NPFFR2: variants seen among roughly 807,000 people sequenced by gnomAD.
NPFFR2 encodes neuropeptide FF receptor 2.
NPFFR2 carries 15 observed loss-of-function variants against 13.1 expected under a neutral mutation model. That is an observed-to-expected ratio of 1.15 (90% CI 0.77 to 1.76). The LOEUF is 1.76. Among genes scored for constraint, NPFFR2 ranks in the 40% most tolerant of loss-of-function variants. NPFFR2 has a pLI of 0.00. For missense variants in NPFFR2, 572 were observed against 503.5 expected (o/e 1.14, Z -1.30); for synonymous variants, 190 against 175.7 (o/e 1.08, Z -0.65).
chr4:72,129,457 G>T (rs2109835358), intron 2 of NPFFR2, among the ~76,000 whole-genome samples: 1 of 106,834 alleles, frequency 9.4e-6, no homozygotes, highest in East Asian at 2.6e-4. Flanking sequence ...AGACAATTGT[G>T]GGGAGAGGGT....
At chr4:72,127,259 G>A (rs1341174895) in intron 1 of NPFFR2, among the ~76,000 whole-genome samples, 3 of 97,970 alleles carry the variant, frequency 3.1e-5, no homozygotes, top group Non-Finnish European at 5.5e-5. Flanking sequence ...AGCCGAGATC[G>A]CGCCACTGCA....
chr4:72,072,395 G>T (rs910579744), intron 1 of NPFFR2, among the ~76,000 whole-genome samples: 1 of 151,946 alleles, frequency 6.6e-6, no homozygotes, highest in Non-Finnish European at 1.5e-5. Context: ...AAGAAAAAAA[G>T]AGAATTTGGA....
intron 1 of NPFFR2, among the ~76,000 whole-genome samples, chr4:72,126,139 T>TG (rs1471670149): frequency 1.5e-4 from 23 of 152,250 alleles, no homozygotes; most frequent in African/African-American, 5.5e-4. Flanking sequence ...AAGGAGCATA[T>TG]GATATACTTG....
intron 1 of NPFFR2, among the ~76,000 whole-genome samples, chr4:72,113,668 A>T (rs1721629345): frequency 6.6e-6 from 1 of 152,154 alleles, no homozygotes; most frequent in Admixed American, 6.6e-5. Flanking sequence ...ACATGGTTCA[A>T]AAGCTTTACC....
At chr4:72,069,123 A>T in intron 1 of NPFFR2, 1 of 433,934 alleles carries the variant, frequency 2.3e-6, no homozygotes, top group Non-Finnish European at 4.2e-6. Context: ...CATAACAGTA[A>T]TGCTAAGCCT....
At chr4:72,106,299 C>A (rs1275539427) in intron 1 of NPFFR2, among the ~76,000 whole-genome samples, 1 of 151,988 alleles carries the variant, frequency 6.6e-6, no homozygotes, top group Non-Finnish European at 1.5e-5. Flanking sequence ...CGCCAACTGA[C>A]ACTCCTAGAG....
chr4:72,108,595 CTAAAA>C (rs1180879802), intron 1 of NPFFR2, among the ~76,000 whole-genome samples: 2 of 151,996 alleles, frequency 1.3e-5, no homozygotes, highest in Non-Finnish European at 1.5e-5. Flanking sequence ...AGGAAATAGA[CTAAAA>C]TATTATATAT....
chr4:72,115,120 C>T (rs773663216), intron 1 of NPFFR2, among the ~76,000 whole-genome samples: 8 of 152,084 alleles, frequency 5.3e-5, no homozygotes, highest in Non-Finnish European at 1.0e-4. Context: ...TTTGTCTGTT[C>T]ATGGCCAATA....
intron 2 of NPFFR2, among the ~76,000 whole-genome samples, chr4:72,131,868 A>G (rs529528545): frequency 4.1e-4 from 63 of 152,248 alleles, no homozygotes; most frequent in African/African-American, 1.5e-3. Context: ...ATGTGTGAAC[A>G]TATTTACTAA....
intron 1 of NPFFR2, among the ~76,000 whole-genome samples, chr4:72,043,299 A>G (rs2109757439): frequency 6.6e-6 from 1 of 152,252 alleles, no homozygotes; most frequent in South Asian, 2.1e-4. Context: ...GCAGAAGGGA[A>G]ATGTGGGGTT....
chr4:72,050,664 C>T (rs1719521751), intron 1 of NPFFR2, among the ~76,000 whole-genome samples: 1 of 151,806 alleles, frequency 6.6e-6, no homozygotes, highest in African/African-American at 2.4e-5. Flanking sequence ...GCACAATGTG[C>T]AGGTTAGTTA....
chr4:72,063,355 C>T (rs1291344384), intron 1 of NPFFR2, among the ~76,000 whole-genome samples: 2 of 152,174 alleles, frequency 1.3e-5, no homozygotes, highest in East Asian at 1.9e-4. Context: ...TTGCATTCTA[C>T]ACTAACTTGC....
chr4:72,032,247 G>T, intron 1 of NPFFR2, 47 bp downstream of exon 1: 1 of 1,535,254 alleles, frequency 6.5e-7, no homozygotes, highest in South Asian at 1.3e-5. Flanking sequence ...TTGGGGGCGC[G>T]ACCCCTCTCT....
intron 1 of NPFFR2, among the ~76,000 whole-genome samples, chr4:72,040,316 G>A (rs919557661): frequency 6.6e-6 from 1 of 152,022 alleles, no homozygotes; most frequent in African/African-American, 2.4e-5. Flanking sequence ...AATTCAAGTG[G>A]AGTTTTAAAA....
intron 1 of NPFFR2, among the ~76,000 whole-genome samples, chr4:72,111,381 G>A (rs1423512181): frequency 1.3e-5 from 2 of 152,018 alleles, no homozygotes; most frequent in Non-Finnish European, 2.9e-5. Context: ...CACTAGGCAA[G>A]TTTCTAATGA....
intron 3 of NPFFR2, among the ~76,000 whole-genome samples, chr4:72,138,794 G>A (rs1390280893): frequency 6.6e-6 from 1 of 152,088 alleles, no homozygotes; most frequent in Non-Finnish European, 1.5e-5. Context: ...GGATTGCTGG[G>A]TCAAATGGTA....
At chr4:72,088,302 C>T (rs1720822645) in intron 1 of NPFFR2, among the ~76,000 whole-genome samples, 1 of 152,024 alleles carries the variant, frequency 6.6e-6, no homozygotes, top group Non-Finnish European at 1.5e-5. Flanking sequence ...ATTTCTACCA[C>T]ATTCTTCTTT....
rs78202826 is a variant in NPFFR2 at position 72,080,906 on chromosome 4, G to A, written c.-7-47679G>A. On this transcript the variant is annotated intron_variant, in intron 1 of 3. Coordinates refer to ENST00000308744, the MANE Select transcript of NPFFR2 (RefSeq NM_004885.3). ...ACTGTTGACCTTGAGGACCAACAGCGGTTCCAAGCCTGCCCCCAGTTGCAG... is the reference window on the plus strand; with the variant it reads ...ACTGTTGACCTTGAGGACCAACAGCAGTTCCAAGCCTGCCCCCAGTTGCAG... Among the ~76,000 whole-genome samples the A allele has an allele frequency of 0.025, 3,598 of 146,848 alleles. 284 individuals are homozygous for A. In the East Asian group the frequency reaches 0.31, roughly 13 times the overall value.
At chr4:72,106,739 C>T (rs373230215) in intron 1 of NPFFR2, among the ~76,000 whole-genome samples, 5 of 152,014 alleles carry the variant, frequency 3.3e-5, no homozygotes, top group African/African-American at 9.6e-5. Flanking sequence ...AAGAAGCCAA[C>T]GGGGCATCCT....
Sources: allele counts gnomAD v4.1 joint callset (sites outside exome capture counted in the v4.1 genomes callset), GRCh38; gene constraint gnomAD v4.1.1; transcripts MANE v1.5; gene names NCBI Gene and HGNC (gene_info 2026-07-23, HGNC 2026-07-21).